Variants in APBA1 observed in about 807,000 individuals in gnomAD.
APBA1 encodes amyloid beta precursor protein binding family A member 1.
In APBA1, 55 loss-of-function variants were observed where a neutral mutation model predicts 86.6. The ratio of observed to expected loss-of-function variants is 0.64; its 90% CI spans 0.51 to 0.80. The LOEUF is 0.80. APBA1 is among the 30% of genes least tolerant of loss of function. The pLI is 0.00. For synonymous variants in APBA1, 511 were observed against 493.9 expected, an observed-to-expected ratio of 1.03 and a Z score of -0.46; for missense variants, 1,090 against 1,183.0, an observed-to-expected ratio of 0.92 and a Z score of 1.15.
At chr9:69,441,731 G>A (rs892289148) in intron 10 of APBA1, among the ~76,000 whole-genome samples, 2 of 152,210 alleles carry the variant, frequency 1.3e-5, no homozygotes, top group Admixed American at 6.5e-5. Flanking sequence ...AATGGGGAGG[G>A]TTGTAGGATG....
intron 5 of APBA1, among the ~76,000 whole-genome samples, chr9:69,458,488 C>T (rs1297336331): frequency 6.6e-6 from 1 of 152,142 alleles, no homozygotes; most frequent in Non-Finnish European, 1.5e-5. Context: ...TTATTGTACG[C>T]CTGGTTTTCT....
chr9:69,601,125 T>C (rs1237150404), intron 1 of APBA1, among the ~76,000 whole-genome samples: 1 of 152,148 alleles, frequency 6.6e-6, no homozygotes, highest in Admixed American at 6.5e-5. Flanking sequence ...ATTGAGATCA[T>C]TTGTTTATTG....
chr9:69,577,394 C>T (rs966122413), intron 1 of APBA1, among the ~76,000 whole-genome samples: 1 of 152,144 alleles, frequency 6.6e-6, no homozygotes, highest in Non-Finnish European at 1.5e-5. Context: ...GGACCAGCCC[C>T]ACATTATGGG....
intron 1 of APBA1, among the ~76,000 whole-genome samples, chr9:69,536,787 G>A (rs1836518871): frequency 6.7e-6 from 1 of 149,258 alleles, no homozygotes; most frequent in Non-Finnish European, 1.5e-5. Flanking sequence ...GGCTGAGGCA[G>A]AAGAATTGCT....
At chr9:69,588,339 G>T (rs184853524) in intron 1 of APBA1, among the ~76,000 whole-genome samples, 1 of 152,038 alleles carries the variant, frequency 6.6e-6, no homozygotes, top group African/African-American at 2.4e-5. Context: ...AACAGACAAT[G>T]GTGCCTTGGA....
intron 2 of APBA1, among the ~76,000 whole-genome samples, chr9:69,483,642 T>C (rs1835559623): frequency 6.6e-6 from 1 of 152,126 alleles, no homozygotes; most frequent in Admixed American, 6.5e-5. Context: ...ATGAAGAAGT[T>C]GTATGATCCC....
intron 1 of APBA1, among the ~76,000 whole-genome samples, chr9:69,623,550 T>C (rs1822869187): frequency 1.3e-5 from 2 of 152,112 alleles, no homozygotes; most frequent in Non-Finnish European, 2.9e-5. Flanking sequence ...CTCCCCAACC[T>C]CACAATTTTG....
intron 1 of APBA1, among the ~76,000 whole-genome samples, chr9:69,670,177 T>C (rs1423560908): frequency 6.6e-6 from 1 of 152,168 alleles, no homozygotes; most frequent in East Asian, 1.9e-4. Context: ...GAAATTTACT[T>C]TACATAGACA....
intron 2 of APBA1, among the ~76,000 whole-genome samples, chr9:69,493,822 C>A (rs1835752421): frequency 6.6e-6 from 1 of 152,122 alleles, no homozygotes; most frequent in South Asian, 2.1e-4. Context: ...TCAAGGTCCA[C>A]TGTCCTCAAA....
chr9:69,562,743 C>A (rs992023433), intron 1 of APBA1, among the ~76,000 whole-genome samples: 1 of 152,052 alleles, frequency 6.6e-6, no homozygotes, highest in Admixed American at 6.6e-5. Context: ...AAGAAACCAA[C>A]AATACATTAT....
At chr9:69,619,734 C>G (rs1297264896) in intron 1 of APBA1, among the ~76,000 whole-genome samples, 1 of 152,216 alleles carries the variant, frequency 6.6e-6, no homozygotes, top group Non-Finnish European at 1.5e-5. Context: ...AAAGTTTGAG[C>G]ATAACACAGA....
rs1217189286 is a variant in APBA1, at chr9:69,467,871, G to A, written c.1434C>T (p.Ser478=). The A allele has an allele frequency of 6.2e-7, 1 of 1,614,128 alleles. No homozygotes were observed. The highest frequency in any genetic ancestry group is 1.7e-5 in the Admixed American group (1 of 60,016). Residue 478 remains serine, a synonymous_variant, in exon 5 of 13, where the codon TCC becomes TCT. Coordinates refer to ENST00000265381, the MANE Select transcript of APBA1 (RefSeq NM_001163.4). ...GGGCCTGCATCATGCGCACGTTTTT[G>A]GAAGGAGTTTTGTCTGAGAGCAGCT... The part of the protein sequence containing the change: ...STQLLSDKTP[S]KNVRMMQAQE...
intron 1 of APBA1, among the ~76,000 whole-genome samples, chr9:69,568,681 T>G (rs1837068727): frequency 6.6e-6 from 1 of 152,172 alleles, no homozygotes. Flanking sequence ...AATCCACATG[T>G]TCAATGGAAG....
In APBA1 at chr9:69,516,165, G is replaced by A; in HGVS notation, c.1046C>T (p.Ala349Val). 1 of 1,611,614 alleles carries A rather than the reference G, an allele frequency of 6.2e-7. No homozygotes were observed. The highest frequency in any genetic ancestry group is 8.5e-7 in the Non-Finnish European group (1 of 1,178,876). ...SKEKRDAISL[A>V]IKDIKEAIEE... is the part of the protein sequence containing the mutation. ...GATGGCCTCCTTGATGTCCTTGATG[G>A]CCAGCGAGATGGCATCGCGCTTCTC... Residue 349 changes from alanine to valine, a missense_variant, in exon 2 of 13, where the codon GCC (alanine) becomes GTC (valine). Transcript: ENST00000265381. The surrounding 1 kb of genome is among the most constrained non-coding windows in gnomAD (Gnocchi z 7.3).
intron 1 of APBA1, among the ~76,000 whole-genome samples, chr9:69,550,119 T>A (rs1394814439): frequency 6.6e-6 from 1 of 152,230 alleles, no homozygotes; most frequent in Non-Finnish European, 1.5e-5. Flanking sequence ...CTTATAATCT[T>A]TTGGTTCATG....
upstream of APBA1, among the ~76,000 whole-genome samples, chr9:69,672,467 G>A (rs1465717609): frequency 2.7e-5 from 4 of 148,920 alleles, no homozygotes; most frequent in Non-Finnish European, 6.0e-5. Flanking sequence ...TGCGAGGGAG[G>A]GCGCGGGGGA....
intron 5 of APBA1, chr9:69,464,850 A>G (rs928436722): frequency 1.3e-5 from 2 of 152,200 alleles, no homozygotes; most frequent in Non-Finnish European, 2.9e-5. Context: ...CTGGAAAGGC[A>G]TAAATGTTCT....
At chr9:69,570,109 G>A (rs954742947) in intron 1 of APBA1, among the ~76,000 whole-genome samples, 7 of 152,330 alleles carry the variant, frequency 4.6e-5, no homozygotes, top group Admixed American at 2.0e-4. Context: ...CTGGAGCAAT[G>A]AGAACTTGCC....
rs557440822 is a variant in APBA1 at position 69,568,237 on chromosome 9, T to G, written c.-69-50958A>C. On this transcript the variant is annotated intron_variant, in intron 1 of 12. Coordinates refer to ENST00000265381, the MANE Select transcript of APBA1 (RefSeq NM_001163.4). ...CATTTCTCAAAGCTCCTAACCAGAG[T>G]TGGCCTGTGATCACACTTCAACAAA... Among the ~76,000 whole-genome samples, 6 of 152,140 alleles carry G rather than the reference T, an allele frequency of 3.9e-5. No individual in the cohort carries two copies. In the East Asian group the frequency reaches 5.8e-4, roughly 15 times the overall value.
Sources: gnomAD v4.1 joint callset for allele counts (sites outside exome capture counted in the v4.1 genomes callset) on GRCh38, gnomAD v4.1.1 for gene constraint, Gnocchi (gnomAD v3.1) non-coding constraint, MANE v1.5 for transcripts, NCBI Gene and HGNC (gene_info 2026-07-23, HGNC 2026-07-21) for gene names.